The following PTPN2 variants were observed in gnomAD, a reference collection of about 807,000 sequenced individuals.
PTPN2 encodes tyrosine-protein phosphatase non-receptor type 2.
PTPN2 carries 19 observed loss-of-function variants against 57.3 expected under a neutral mutation model. The ratio of observed to expected loss-of-function variants is 0.33; its 90% CI spans 0.23 to 0.49. PTPN2 has a LOEUF of 0.49. Among genes scored for constraint, PTPN2 ranks in the 20% least tolerant of loss-of-function variants. The pLI is 0.99. For synonymous variants in PTPN2, 153 were observed against 164.9 expected (o/e 0.93, Z 0.55); for missense variants, 358 against 501.1 (o/e 0.71, Z 2.73).
chr18:12,825,559 T>G (rs76092087), intron 5 of PTPN2, among the ~76,000 whole-genome samples: 1 of 152,260 alleles, frequency 6.6e-6, no homozygotes, highest in Non-Finnish European at 1.5e-5. Context: ...TTAATCCTCA[T>G]GTATTTCTAT....
chr18:12,789,337 G>T (rs1181184043), downstream of PTPN2, among the ~76,000 whole-genome samples: 1 of 152,160 alleles, frequency 6.6e-6, no homozygotes, highest in Non-Finnish European at 1.5e-5. Flanking sequence ...AAGGATGAGT[G>T]GAACAGGTCA....
chr18:12,878,592 C>T (rs952182776), intron 1 of PTPN2, among the ~76,000 whole-genome samples: 1 of 151,714 alleles, frequency 6.6e-6, no homozygotes, highest in African/African-American at 2.4e-5. Flanking sequence ...ACTGCTTGAA[C>T]CTGGGGGGAG....
chr18:12,850,421 A>G (rs1264381157), intron 2 of PTPN2, among the ~76,000 whole-genome samples: 2 of 151,842 alleles, frequency 1.3e-5, no homozygotes, highest in Non-Finnish European at 2.9e-5. Context: ...CTCGAGAGGC[A>G]GAGGCTGCAG....
At chr18:12,801,897 C>T (rs1278570338) in intron 8 of PTPN2, 73 bp downstream of exon 8, 4 of 1,303,964 alleles carry the variant, frequency 3.1e-6, no homozygotes, top group Non-Finnish European at 4.2e-6. Context: ...AATCCTATGG[C>T]ACCTGGTCCC....
intron 7 of PTPN2, among the ~76,000 whole-genome samples, chr18:12,811,158 C>T (rs144505513): frequency 2.6e-5 from 4 of 152,200 alleles, no homozygotes; most frequent in Admixed American, 2.0e-4. Context: ...TTAGGTAACT[C>T]GCCCAAGGAT....
intron 1 of PTPN2, among the ~76,000 whole-genome samples, chr18:12,876,983 T>G (rs1475502007): frequency 1.3e-5 from 2 of 152,150 alleles, no homozygotes; most frequent in African/African-American, 4.8e-5. Context: ...ATGGGTAAAT[T>G]AGGGCAGTGC....
At position 12,793,208 on chromosome 18, in the gene PTPN2, G is replaced by C; in HGVS notation, c.*1070C>G. The C allele has an allele frequency of 1.0e-6, 1 of 980,914 alleles. No homozygotes were observed. Among genetic ancestry groups the C allele is most frequent in the Non-Finnish European group, 1.2e-6 (1 of 827,176 alleles). The allele number at this position is 980,914 out of a possible 1,614,324, so 60.8% of individuals were successfully genotyped here. On this transcript the variant is annotated 3_prime_UTR_variant, in exon 9 of 9. Coordinates refer to ENST00000309660, the MANE Select transcript of PTPN2 (RefSeq NM_002828.4). ...AATGAGCAGTTAAATTCATTAAACA[G>C]TTTGCTTTAAAAAATATTCATTAAG...
intron 3 of PTPN2, among the ~76,000 whole-genome samples, chr18:12,833,414 G>T (rs75805552): frequency 0.047 from 7,155 of 152,214 alleles, 295 homozygotes; most frequent in East Asian, 0.18. Flanking sequence ...GTACTTGTAT[G>T]ACTAATGGAC....
intron 1 of PTPN2, chr18:12,883,839 C>A: frequency 2.5e-6 from 1 of 398,478 alleles, no homozygotes; most frequent in Non-Finnish European, 4.5e-6. Flanking sequence ...ACTGCGCTTG[C>A]GCTAACCATG....
rs931553216 is a variant in PTPN2, at chr18:12,871,781, T to C, written c.69+12292A>G. ...TATAAAGAATGAGGCAGGGCAGGCA[T>C]GTTGGCTCACATGTATAATCCCAGC... On this transcript the variant is annotated intron_variant, in intron 1 of 8. Transcript: ENST00000309660. Among the ~76,000 whole-genome samples, 42 of 152,094 alleles carry C rather than the reference T, an allele frequency of 2.8e-4. 1 individual carries two copies. The highest frequency in any genetic ancestry group is 1.5e-5 in the Non-Finnish European group (1 of 68,028).
chr18:12,855,197 G>A (rs1421727582), intron 2 of PTPN2, among the ~76,000 whole-genome samples: 1 of 152,180 alleles, frequency 6.6e-6, no homozygotes, highest in East Asian at 1.9e-4. Flanking sequence ...TGTGCATGGT[G>A]GGGAGGGTGG....
At chr18:12,870,458 TATATAGAGAGAGAGAGAGAGAGAG>T in intron 1 of PTPN2, among the ~76,000 whole-genome samples, 1 of 30,274 alleles carries the variant, frequency 3.3e-5, no homozygotes, top group East Asian at 1.8e-3. Flanking sequence ...TATATATATA[TATATAGAGAGAGAGAGAGAGAGAG>T]AGAGAGAGAG....
chr18:12,878,434 C>T (rs975996778), intron 1 of PTPN2, among the ~76,000 whole-genome samples: 6 of 151,990 alleles, frequency 3.9e-5, no homozygotes, highest in African/African-American at 1.4e-4. Context: ...CTTTGGGAGG[C>T]CGAGGCAGGT....
At chr18:12,844,017 T>C (rs1017663885) in intron 2 of PTPN2, 5 of 152,180 alleles carry the variant, frequency 3.3e-5, no homozygotes, top group African/African-American at 1.2e-4. Context: ...ATTTCAAGAA[T>C]GTTATATAAA....
intron 1 of PTPN2, among the ~76,000 whole-genome samples, chr18:12,866,649 G>T (rs946721156): frequency 6.6e-6 from 1 of 151,978 alleles, no homozygotes; most frequent in Non-Finnish European, 1.5e-5. Context: ...TTAAGATTTA[G>T]TTCCACAGCT....
intron 1 of PTPN2, among the ~76,000 whole-genome samples, chr18:12,879,862 A>G (rs1450322067): frequency 2.6e-5 from 4 of 152,238 alleles, no homozygotes. Context: ...CAAAAAAAGC[A>G]CAACTCTTCA....
Position 12,802,015 on chromosome 18 carries a change from C to T in PTPN2, c.995G>A (p.Gly332Glu). The change falls in exon 8 of 9, where the codon GGA becomes GAA. Residue 332 changes from glycine (G) to glutamate (E), a missense_variant. By Grantham distance (98) the Gly-to-Glu change is moderately conservative. This residue lies in a region of PTPN2 where 96 missense variants were observed against 110.8 expected (regional missense o/e 0.87). Coordinates refer to ENST00000309660, the MANE Select transcript of PTPN2 (RefSeq NM_002828.4). ...TGTATCTTGCATTTTAGAGGAAAGTCCTGTACATCGGTCACCTGTCAGTTT... is the reference window on the plus strand; with the variant it reads ...TGTATCTTGCATTTTAGAGGAAAGTTCTGTACATCGGTCACCTGTCAGTTT... Reference protein sequence around the residue: ...EEKLTGDRCTGLSSKMQDTME... With the variant: ...EEKLTGDRCTELSSKMQDTME... The T allele has an allele frequency of 2.5e-6, 4 of 1,612,002 alleles. No individual in the cohort carries two copies. Among genetic ancestry groups the T allele is most frequent in the Non-Finnish European group, 3.4e-6 (4 of 1,179,476 alleles).
At chr18:12,801,415 G>A (rs1284198737) in intron 8 of PTPN2, among the ~76,000 whole-genome samples, 1 of 152,088 alleles carries the variant, frequency 6.6e-6, no homozygotes, top group Non-Finnish European at 1.5e-5. Context: ...TGGGAGGGCT[G>A]AGGCAGGAGA....
At chr18:12,817,541 T>C (rs1205657273) in intron 5 of PTPN2, among the ~76,000 whole-genome samples, 176 bp from the exon 6 acceptor site, 4 of 152,250 alleles carry the variant, frequency 2.6e-5, no homozygotes, top group African/African-American at 4.8e-5. Flanking sequence ...TTTTCTTTAG[T>C]GGAAATTTGT....
Sources: gnomAD v4.1 joint callset for allele counts (sites outside exome capture counted in the v4.1 genomes callset) on GRCh38, gnomAD v4.1.1 for gene constraint, gnomAD v4.1.1 regional missense constraint, MANE v1.5 for transcripts, NCBI Gene and HGNC (gene_info 2026-07-23, HGNC 2026-07-21) for gene names.